Variants in GCH1 observed in about 807,000 individuals in gnomAD.
The protein encoded by GCH1 is GTP cyclohydrolase 1, also known as GTP cyclohydrolase I.
In GCH1, 5 loss-of-function variants were observed where a neutral mutation model predicts 25.9. That is an observed-to-expected ratio of 0.19 (90% CI 0.10 to 0.41). GCH1 has a LOEUF of 0.41. Ranked by LOEUF, GCH1 falls within the 10% of genes least tolerant of loss-of-function variation. The pLI, the probability that GCH1 is intolerant of heterozygous loss-of-function variation, is 1.00. For synonymous variants in GCH1, 159 were observed against 129.6 expected (o/e 1.23, Z -1.54); for missense variants, 261 against 336.5 (o/e 0.78, Z 1.75).
chr14:54,856,684 C>T (rs2039816315), intron 3 of GCH1, among the ~76,000 whole-genome samples: 1 of 152,140 alleles, frequency 6.6e-6, no homozygotes, highest in Non-Finnish European at 1.5e-5. Context: ...AACTCCTGAC[C>T]TCAAGTGATC....
chr14:54,845,823 C>A lies in GCH1; in HGVS notation c.571G>T (p.Val191Leu). 1.2e-6 allele frequency: 2 copies of A among 1,610,144 alleles called. No homozygotes were observed. Among genetic ancestry groups the A allele is most frequent in the Non-Finnish European group, 1.7e-6 (2 of 1,176,324 alleles). ...GGCCGCAAGGCTTCCGTGATTGCTA[C>A]AGCAATTTGTTTTGTAAGGCGCTCC... Reference protein sequence around the residue: ...VQERLTKQIAVAITEALRPAG... With the variant: ...VQERLTKQIALAITEALRPAG... The change falls in exon 5 of 6, where the codon GTA becomes TTA. Residue 191 changes from valine (V) to leucine (L), a missense_variant. This residue lies in a region of GCH1 where 130 missense variants were observed against 184.1 expected (regional missense o/e 0.71). Transcript: ENST00000491895.
chr14:54,886,474 C>T (rs570322642), intron 1 of GCH1, among the ~76,000 whole-genome samples: 73 of 151,994 alleles, frequency 4.8e-4, no homozygotes, highest in Non-Finnish European at 7.2e-4. Flanking sequence ...TAGCCGGGCG[C>T]GGTGGTGGGT....
At chr14:54,850,305 CTTTTTTTTTT>C (rs763310228) in intron 3 of GCH1, among the ~76,000 whole-genome samples, 3 of 117,030 alleles carry the variant, frequency 2.6e-5, no homozygotes, top group African/African-American at 9.9e-5. Context: ...TAAGTAGGTT[CTTTTTTTTTT>C]TTTTTTTTTC....
intron 1 of GCH1, among the ~76,000 whole-genome samples, chr14:54,900,845 TCACACACACACA>T (rs3221690): frequency 3.9e-3 from 570 of 144,740 alleles, no homozygotes; most frequent in South Asian, 0.017. Context: ...GTGAAATATC[TCACACACACACA>T]CACACACACA....
At chr14:54,860,098 T>C (rs1469606811) in intron 2 of GCH1, among the ~76,000 whole-genome samples, 1 of 152,118 alleles carries the variant, frequency 6.6e-6, no homozygotes, top group Non-Finnish European at 1.5e-5. Context: ...ATATGAAAAG[T>C]TGCCCCTCCA....
intron 1 of GCH1, among the ~76,000 whole-genome samples, chr14:54,893,944 T>C (rs935027253): frequency 2.0e-5 from 3 of 152,198 alleles, no homozygotes; most frequent in Admixed American, 2.0e-4. Flanking sequence ...TTCTATTTCA[T>C]GTGATTCTAT....
chr14:54,877,692 G>A (rs1158026175), intron 1 of GCH1, among the ~76,000 whole-genome samples: 2 of 151,830 alleles, frequency 1.3e-5, no homozygotes, highest in Non-Finnish European at 2.9e-5. Context: ...ATGGGGTTTC[G>A]TCATGTTGCC....
intron 3 of GCH1, among the ~76,000 whole-genome samples, chr14:54,853,532 A>G (rs2039765705): frequency 6.6e-6 from 1 of 152,216 alleles, no homozygotes; most frequent in East Asian, 1.9e-4. Context: ...AAATGTACAT[A>G]TGCATTATAT....
At chr14:54,871,067 C>A (rs2040068886) in intron 1 of GCH1, among the ~76,000 whole-genome samples, 1 of 152,208 alleles carries the variant, frequency 6.6e-6, no homozygotes, top group Admixed American at 6.5e-5. Flanking sequence ...GGGTCCCTGA[C>A]CCCCGAGTAG....
chr14:54,864,583 C>T (rs979466961), intron 2 of GCH1, among the ~76,000 whole-genome samples: 1 of 152,140 alleles, frequency 6.6e-6, no homozygotes, highest in Non-Finnish European at 1.5e-5. Flanking sequence ...TTTGTATTTA[C>T]ACTGCATTTG....
At chr14:54,870,120 T>G (rs1001244217) in intron 1 of GCH1, among the ~76,000 whole-genome samples, 1 of 152,152 alleles carries the variant, frequency 6.6e-6, no homozygotes, top group Non-Finnish European at 1.5e-5. Context: ...TATAACTGCA[T>G]ACGTTTGTTA....
intron 3 of GCH1, among the ~76,000 whole-genome samples, chr14:54,851,039 T>C (rs1336270865): frequency 6.6e-6 from 1 of 152,142 alleles, no homozygotes; most frequent in Non-Finnish European, 1.5e-5. Context: ...AACAGAGATA[T>C]AGACCAATGG....
In GCH1 at chr14:54,902,184, C is replaced by G. The variant is rs550589835; in HGVS notation, c.343+137G>C. 2.1e-4 allele frequency: 191 copies of G among 918,468 alleles called. No homozygotes were observed. In the African/African-American group the frequency reaches 2.8e-3, roughly 13 times the overall value. The allele number at this position is 918,468 out of a possible 1,614,324, so 56.9% of individuals were successfully genotyped here. ...GCCTCGGCAGGGCGGCAGGCTAGGGCGGGTTCGGAGGTGACAGCGCCCGGC... is the reference window on the plus strand; with the variant it reads ...GCCTCGGCAGGGCGGCAGGCTAGGGGGGGTTCGGAGGTGACAGCGCCCGGC... On this transcript the variant is annotated intron_variant, in intron 1 of 5. Coordinates refer to ENST00000491895, the MANE Select transcript of GCH1 (RefSeq NM_000161.3).
intron 5 of GCH1, 108 bp downstream of exon 5, chr14:54,845,660 T>C: frequency 1.3e-6 from 1 of 773,438 alleles, no homozygotes; most frequent in Non-Finnish European, 2.4e-6. Flanking sequence ...ACAGTTATCA[T>C]ATCAGTTGTG....
At chr14:54,887,283 T>C (rs1364640497) in intron 1 of GCH1, among the ~76,000 whole-genome samples, 1 of 152,226 alleles carries the variant, frequency 6.6e-6, no homozygotes, top group African/African-American at 2.4e-5. Flanking sequence ...AAGATCCAAA[T>C]ACTTAGTGTC....
rs753312849 is a variant in GCH1 at position 54,902,489 on chromosome 14, G to C, written c.175C>G (p.Arg59Gly). 4 of 1,609,426 alleles carry C rather than the reference G, an allele frequency of 2.5e-6. No individual in the cohort carries two copies. Among genetic ancestry groups the C allele is most frequent in the East Asian group, 4.5e-5 (2 of 44,696 alleles). The change falls in exon 1 of 6, where the codon CGC becomes GGC. Residue 59 changes from arginine (R) to glycine (G), a missense_variant. By Grantham distance (125) the Arg-to-Gly change is moderately radical. Coordinates refer to ENST00000491895, the MANE Select transcript of GCH1 (RefSeq NM_000161.3). ...TTCAGCTCGTTATCCTCCTCGCTGC[G>C]GGGCCGCTCGCCCTTCCAGCCGTCC... ...PADGWKGERP[R>G]SEEDNELNLP...
rs113211390 is a variant in GCH1 at position 54,842,841 on chromosome 14, G to A, written c.*1176C>T. On this transcript the variant is annotated 3_prime_UTR_variant, in exon 6 of 6. Transcript: ENST00000491895. ...ATCATTAATAAGGCAACAGCTTCCAGGATTAAAATACCTATACCATCTATA... is the reference window on the plus strand; with the variant it reads ...ATCATTAATAAGGCAACAGCTTCCAAGATTAAAATACCTATACCATCTATA... 3 of 416,426 alleles carry A rather than the reference G, an allele frequency of 7.2e-6. No individual in the cohort carries two copies. Among genetic ancestry groups the A allele is most frequent in the Non-Finnish European group, 1.3e-5 (3 of 232,036 alleles). 25.8% of individuals were successfully genotyped at this position (416,426 alleles called of 1,614,324 possible). A position where few individuals can be genotyped will look rare whatever the true frequency, so the allele number is the denominator to read the frequency against.
At chr14:54,859,036 C>A (rs903509475) in intron 3 of GCH1, among the ~76,000 whole-genome samples, 1 of 152,226 alleles carries the variant, frequency 6.6e-6, no homozygotes. Context: ...AACACTGTAT[C>A]AGAATAAAGC....
In GCH1 at chr14:54,862,205, A is replaced by T. The variant is rs549017104; in HGVS notation, c.454-2469T>A. Among the ~76,000 whole-genome samples, 16 of 151,838 alleles carry T rather than the reference A, an allele frequency of 1.1e-4. No individual in the cohort carries two copies. The South Asian group carries it at 3.3e-3, about 32-fold the overall frequency. ...CACCCACCATGCCCAATTAATTTTA[A>T]AAAAAAATTTATTTTGTGGTAGAGA... On this transcript the variant is annotated intron_variant, in intron 2 of 5. Transcript: ENST00000491895.
Sources: allele counts gnomAD v4.1 joint callset (sites outside exome capture counted in the v4.1 genomes callset), GRCh38; gene constraint gnomAD v4.1.1; regional missense constraint gnomAD v4.1.1; transcripts MANE v1.5; gene names NCBI Gene and HGNC (gene_info 2026-07-23, HGNC 2026-07-21).